Variants in RPS6KA5 observed in about 807,000 individuals in gnomAD.
RPS6KA5 encodes ribosomal protein S6 kinase A5.
Under a neutral mutation model 85.5 loss-of-function variants are expected in RPS6KA5, and 27 were observed. The observed-to-expected ratio is 0.32, with a 90% confidence interval of 0.23 to 0.44. The LOEUF is 0.44. Ranked by LOEUF, RPS6KA5 falls within the 20% of genes least tolerant of loss-of-function variation. The pLI is 1.00. For missense variants in RPS6KA5, 811 were observed against 980.9 expected (o/e 0.83, Z 2.31); for synonymous variants, 334 against 348.2 (o/e 0.96, Z 0.46).
rs114929370 is a variant in RPS6KA5 at position 91,049,571 on chromosome 14, C to T, written c.103+10761G>A. On this transcript the variant is annotated intron_variant, in intron 1 of 16. Coordinates refer to ENST00000614987, the MANE Select transcript of RPS6KA5 (RefSeq NM_004755.4). The stretch of plus-strand genomic sequence containing the variant: ...CGGAGCTTGCCGTGAGCTGAGAGCT[C>T]GCCACTGTATTCCAGCCTGGGCGAC... Among the ~76,000 whole-genome samples, 517 of 151,914 alleles carry T rather than the reference C, an allele frequency of 3.4e-3. 4 individuals are homozygous for T. The highest frequency in any genetic ancestry group is 0.011 in the African/African-American group (475 of 41,412).
At chr14:90,979,096 G>T (rs528214374) in intron 2 of RPS6KA5, among the ~76,000 whole-genome samples, 1 of 152,222 alleles carries the variant, frequency 6.6e-6, no homozygotes, top group Non-Finnish European at 1.5e-5. Context: ...AAGCCCTTTT[G>T]TATCTCTGGG....
intron 5 of RPS6KA5, among the ~76,000 whole-genome samples, 190 bp from the exon 6 acceptor site, chr14:90,923,386 C>G (rs2036500922): frequency 6.6e-6 from 1 of 152,110 alleles, no homozygotes; most frequent in Admixed American, 6.5e-5. Flanking sequence ...TATATGTCAT[C>G]CCATCCCATC....
chr14:91,039,611 C>T (rs2042527689), intron 1 of RPS6KA5, among the ~76,000 whole-genome samples: 2 of 152,152 alleles, frequency 1.3e-5, no homozygotes, highest in Admixed American at 1.3e-4. Flanking sequence ...TGAGCCAGTT[C>T]CCACCAGAGA....
At chr14:90,891,430 C>T (rs908867479) in intron 13 of RPS6KA5, among the ~76,000 whole-genome samples, 1 of 151,908 alleles carries the variant, frequency 6.6e-6, no homozygotes, top group Non-Finnish European at 1.5e-5. Context: ...TGTAGTACTA[C>T]TTTTTGTATT....
At chr14:90,989,959 T>A (rs184578294) in intron 2 of RPS6KA5, among the ~76,000 whole-genome samples, 30 of 152,248 alleles carry the variant, frequency 2.0e-4, no homozygotes, top group African/African-American at 7.2e-4. Flanking sequence ...GAAGGAAAAT[T>A]CAGAGAACAA....
In RPS6KA5 at chr14:90,856,022, T is replaced by C. The variant is rs528251501; in HGVS notation, c.*16052A>G. 6.6e-6 allele frequency: 1 copy of C among 152,262 alleles called. No homozygotes were observed. Among genetic ancestry groups the C allele is most frequent in the Admixed American group, 6.5e-5 (1 of 15,288 alleles). The allele number at this position is 152,262 out of a possible 1,614,324, so 9.4% of individuals were successfully genotyped here. On this transcript the variant is annotated 3_prime_UTR_variant, in exon 17 of 17. Transcript: ENST00000614987. ...TGAGTCCCAAAGTAAGAAATTAAAC[T>C]TTAGGGCAAAGATACAAGTAATGAT... is the stretch of plus-strand genomic sequence containing the variant.
In RPS6KA5 at chr14:90,994,028, A is replaced by G. The variant is rs183625629; in HGVS notation, c.175+7060T>C. Among the ~76,000 whole-genome samples the G allele has an allele frequency of 1.1e-4, 16 of 152,104 alleles. No individual in the cohort carries two copies. The East Asian group carries it at 3.1e-3, about 29-fold the overall frequency. ...CTCAGCCTCCTGAATGGCTAGGACT[A>G]CAGTCATGCATGCACCACCATGCCC... On this transcript the variant is annotated intron_variant, in intron 2 of 16. Coordinates refer to ENST00000614987, the MANE Select transcript of RPS6KA5 (RefSeq NM_004755.4).
At chr14:90,916,757 G>C (rs994609734) in intron 7 of RPS6KA5, among the ~76,000 whole-genome samples, 3 of 152,116 alleles carry the variant, frequency 2.0e-5, no homozygotes, top group Non-Finnish European at 4.4e-5. Flanking sequence ...ATTGATTAAA[G>C]GGAAGGAATC....
intron 1 of RPS6KA5, among the ~76,000 whole-genome samples, chr14:91,048,828 T>C (rs1213949559): frequency 6.6e-6 from 1 of 152,206 alleles, no homozygotes; most frequent in Non-Finnish European, 1.5e-5. Flanking sequence ...TGTATTTAAT[T>C]GTGAAGCTTC....
intron 7 of RPS6KA5, among the ~76,000 whole-genome samples, chr14:90,917,170 C>CA (rs982831496): frequency 6.6e-6 from 1 of 151,800 alleles, no homozygotes. Flanking sequence ...TTCAAACTGC[C>CA]AAAAAATCAA....
At chr14:90,878,449 C>T (rs1289089004) in intron 14 of RPS6KA5, among the ~76,000 whole-genome samples, 1 of 152,170 alleles carries the variant, frequency 6.6e-6, no homozygotes, top group Non-Finnish European at 1.5e-5. Context: ...CTGACTCTTG[C>T]TATTGAATAG....
chr14:90,887,283 T>C (rs1344480921), intron 14 of RPS6KA5, among the ~76,000 whole-genome samples: 1 of 152,186 alleles, frequency 6.6e-6, no homozygotes. Context: ...TGGGCTCAAG[T>C]GAGCCTCTCA....
intron 14 of RPS6KA5, among the ~76,000 whole-genome samples, chr14:90,881,876 A>G (rs1243149609): frequency 6.6e-6 from 1 of 152,160 alleles, no homozygotes; most frequent in Non-Finnish European, 1.5e-5. Context: ...GTGTCTTTGG[A>G]TTTAAAGTGA....
At position 90,947,548 on chromosome 14, in the gene RPS6KA5, A is replaced by G; in HGVS notation, c.397T>C (p.Tyr133His). ...GTAAAAAGTTCACCACCATTTATAT[A>G]ATCTAAAAATGAAATACATTTTTCT... Reference protein sequence around the residue: ...TETKLHLILDYINGGELFTHL... With the variant: ...TETKLHLILDHINGGELFTHL... The change falls in exon 4 of 17, where the codon TAT becomes CAT. Residue 133 changes from tyrosine (Y) to histidine (H), a missense_variant and splice_region_variant. This residue lies in a region of RPS6KA5 where 48 missense variants were observed against 87.6 expected (regional missense o/e 0.55). Transcript: ENST00000614987. The G allele has an allele frequency of 5.2e-6, 8 of 1,539,016 alleles. No homozygotes were observed. The highest frequency in any genetic ancestry group is 7.2e-6 in the Non-Finnish European group (8 of 1,115,796).
intron 3 of RPS6KA5, among the ~76,000 whole-genome samples, chr14:90,976,177 C>A (rs1595380085): frequency 8.8e-5 from 8 of 90,722 alleles, no homozygotes; most frequent in East Asian, 2.9e-4. Context: ...TTTTAAAAAG[C>A]ATATTGAGTA....
intron 5 of RPS6KA5, among the ~76,000 whole-genome samples, chr14:90,926,888 A>G (rs576148280): frequency 2.0e-5 from 3 of 152,314 alleles, no homozygotes; most frequent in African/African-American, 7.2e-5. Flanking sequence ...CTCAGATGCA[A>G]GAAGCAAGAA....
chr14:90,943,138 A>C lies in RPS6KA5; in HGVS notation c.558T>G (p.Asp186Glu). 6.2e-7 allele frequency: 1 copy of C among 1,612,640 alleles called. No individual in the cohort carries two copies. The highest frequency in any genetic ancestry group is 8.5e-7 in the Non-Finnish European group (1 of 1,178,824). The change falls in exon 5 of 17, where the codon GAT becomes GAG. Residue 186 changes from aspartate (D) to glutamate (E), a missense_variant. By Grantham distance (45) the Asp-to-Glu change is conservative. Around this residue, in one of 3 missense-constraint regions of RPS6KA5, gnomAD observed 650 missense variants for 793.4 expected, o/e 0.82. Transcript: ENST00000614987. ...CTGTCAGCACCACATGGCCATTAGA[A>C]TCAAGTAGAATATTCTCAAGCTTAA... Reference protein sequence around the residue: ...RDIKLENILLDSNGHVVLTDF... With the variant: ...RDIKLENILLESNGHVVLTDF...
intron 1 of RPS6KA5, 21 bp from the exon 2 acceptor site, chr14:91,001,180 A>T: frequency 1.3e-6 from 2 of 1,530,144 alleles, no homozygotes; most frequent in Non-Finnish European, 1.8e-6. Flanking sequence ...AAAAGAGGAA[A>T]AAAAAAACAA....
chr14:90,925,215 A>G (rs1484227318), intron 5 of RPS6KA5, among the ~76,000 whole-genome samples: 1 of 152,162 alleles, frequency 6.6e-6, no homozygotes, highest in African/African-American at 2.4e-5. Flanking sequence ...GTGAGTTGTT[A>G]CAGGTCTCAG....
Sources: gnomAD v4.1 joint callset for allele counts (sites outside exome capture counted in the v4.1 genomes callset) on GRCh38, gnomAD v4.1.1 for gene constraint, gnomAD v4.1.1 regional missense constraint, MANE v1.5 for transcripts, NCBI Gene and HGNC (gene_info 2026-07-23, HGNC 2026-07-21) for gene names.